Variants in MINDY2 observed in about 807,000 individuals in gnomAD.
MINDY2 encodes the protein ubiquitin carboxyl-terminal hydrolase MINDY-2.
In MINDY2, 52 loss-of-function variants were observed where a neutral mutation model predicts 68.2. The ratio of observed to expected loss-of-function variants is 0.76; its 90% CI spans 0.61 to 0.96. MINDY2 has a LOEUF of 0.96. MINDY2 is among the 40% of genes least tolerant of loss of function. MINDY2 has a pLI of 0.00. For missense variants in MINDY2, 881 were observed against 773.4 expected (o/e 1.14, Z -1.65); for synonymous variants, 372 against 303.0 (o/e 1.23, Z -2.36).
rs548177543 is a variant in MINDY2, at chr15:58,859,336, C to T, written c.*4726C>T. On this transcript the variant is annotated 3_prime_UTR_variant, in exon 9 of 9. Coordinates refer to ENST00000559228, the MANE Select transcript of MINDY2 (RefSeq NM_001040450.3). ...TCAAATTACTAATACAGTATATAAA[C>T]TTCGTTTGCATTGGTGGAATTCATT... The T allele has an allele frequency of 1.8e-4, 27 of 151,998 alleles. No individual in the cohort carries two copies. The highest frequency in any genetic ancestry group is 3.7e-4 in the Non-Finnish European group (25 of 67,964). The allele number at this position is 151,998 out of a possible 1,614,324, so 9.4% of individuals were successfully genotyped here.
chr15:58,792,587 CAG>C (rs1902019428), intron 2 of MINDY2, among the ~76,000 whole-genome samples: 1 of 151,572 alleles, frequency 6.6e-6, no homozygotes, highest in African/African-American at 2.4e-5. Flanking sequence ...GCCTGGGCGA[CAG>C]AGCAAGACTC....
chr15:58,793,080 G>A (rs576075627), intron 2 of MINDY2, among the ~76,000 whole-genome samples: 4 of 152,322 alleles, frequency 2.6e-5, no homozygotes, highest in African/African-American at 9.6e-5. Flanking sequence ...GCTTAGGGCT[G>A]GGGAAGAGAT....
In MINDY2 at chr15:58,802,294, T is replaced by TG. The variant is rs773510290; in HGVS notation, c.899-19_899-18insG. 7.6e-4 allele frequency: 1,126 copies of TG among 1,473,102 alleles called. No homozygotes were observed. Among genetic ancestry groups the TG allele is most frequent in the South Asian group, 2.3e-3 (183 of 78,868 alleles). The allele number at this position is 1,473,102 out of a possible 1,614,324, so 91.3% of individuals were successfully genotyped here. On this transcript the variant is annotated intron_variant, in intron 2 of 8. Transcript: ENST00000559228. ...AGTTTTTAAAAGGCAATTTTACAAT[T>TG]CTTTTTTTTTTTTTACAGGAGATTA...
intron 3 of MINDY2, among the ~76,000 whole-genome samples, chr15:58,807,585 G>A (rs1463714792): frequency 6.6e-6 from 1 of 151,970 alleles, no homozygotes; most frequent in African/African-American, 2.4e-5. Flanking sequence ...GGATGGTCTC[G>A]ATCTCCTGAC....
chr15:58,805,257 TCTAAG>T (rs1902939398), intron 3 of MINDY2, among the ~76,000 whole-genome samples: 1 of 152,196 alleles, frequency 6.6e-6, no homozygotes, highest in African/African-American at 2.4e-5. Flanking sequence ...CTGGGCTGAG[TCTAAG>T]CTAATGTGTA....
At chr15:58,817,684 T>C (rs2030782865) in intron 4 of MINDY2, 1 of 152,130 alleles carries the variant, frequency 6.6e-6, no homozygotes, top group Non-Finnish European at 1.5e-5. Context: ...ATCGCACCAC[T>C]GCACTCCAGC....
At chr15:58,851,492 G>A (rs2032811128) in intron 7 of MINDY2, among the ~76,000 whole-genome samples, 1 of 151,590 alleles carries the variant, frequency 6.6e-6, no homozygotes, top group Non-Finnish European at 1.5e-5. Flanking sequence ...ATGCTGGGGT[G>A]CAGTGAGGAG....
Position 58,854,872 on chromosome 15 carries a change from T to A in MINDY2, c.*262T>A. ...AAAAATACTGCACTTGTAGCCAGAT[T>A]AGCAAATCACAGCAAATTTTGTGTC... On this transcript the variant is annotated 3_prime_UTR_variant, in exon 9 of 9. Coordinates refer to ENST00000559228, the MANE Select transcript of MINDY2 (RefSeq NM_001040450.3). The A allele has an allele frequency of 4.0e-6, 1 of 250,786 alleles. No individual in the cohort carries two copies. 15.5% of individuals were successfully genotyped at this position (250,786 alleles called of 1,614,324 possible). A position where few individuals can be genotyped will look rare whatever the true frequency, so the allele number is the denominator to read the frequency against.
At chr15:58,848,888 G>T (rs1022576667) in intron 7 of MINDY2, among the ~76,000 whole-genome samples, 5 of 152,046 alleles carry the variant, frequency 3.3e-5, no homozygotes, top group African/African-American at 4.8e-5. Flanking sequence ...AGAAATATGC[G>T]AGATTTTTCT....
Position 58,854,826 on chromosome 15 carries a change from T to C in MINDY2, c.*216T>C. ...GGAGTTTCATGTTACAAGTTGGAAATGCTGTGTGTTGACATTCATGAAAAA... is the reference window on the plus strand; with the variant it reads ...GGAGTTTCATGTTACAAGTTGGAAACGCTGTGTGTTGACATTCATGAAAAA... On this transcript the variant is annotated 3_prime_UTR_variant, in exon 9 of 9. Coordinates refer to ENST00000559228, the MANE Select transcript of MINDY2 (RefSeq NM_001040450.3). 1 of 403,096 alleles carries C rather than the reference T, an allele frequency of 2.5e-6. No individual in the cohort carries two copies. Among genetic ancestry groups the C allele is most frequent in the Non-Finnish European group, 4.4e-6 (1 of 228,848 alleles). The allele number at this position is 403,096 out of a possible 1,614,324, so 25.0% of individuals were successfully genotyped here. A position where few individuals can be genotyped will look rare whatever the true frequency, so the allele number is the denominator to read the frequency against.
chr15:58,849,541 G>GAGT (rs1276121097), intron 7 of MINDY2, among the ~76,000 whole-genome samples: 1 of 152,128 alleles, frequency 6.6e-6, no homozygotes, highest in Non-Finnish European at 1.5e-5. Context: ...AATGAAGGCA[G>GAGT]AGTGATAGAT....
At chr15:58,834,259 A>T (rs1242427708) in intron 6 of MINDY2, among the ~76,000 whole-genome samples, 2 of 152,180 alleles carry the variant, frequency 1.3e-5, no homozygotes, top group African/African-American at 4.8e-5. Context: ...TTCTGCACAG[A>T]CACAGTAACA....
intron 4 of MINDY2, among the ~76,000 whole-genome samples, chr15:58,814,388 G>T (rs537795224): frequency 2.0e-5 from 3 of 150,024 alleles, no homozygotes; most frequent in Admixed American, 6.7e-5. Flanking sequence ...TTTTGTTTTT[G>T]GTTTTGTTTT....
intron 2 of MINDY2, among the ~76,000 whole-genome samples, chr15:58,801,297 A>C (rs73426599): frequency 0.013 from 1,912 of 150,938 alleles, 36 homozygotes; most frequent in African/African-American, 0.037. Flanking sequence ...ACAGTTCAAT[A>C]AGAAAAGATA....
Position 58,801,356 on chromosome 15 carries a change from G to A in MINDY2, c.899-957G>A, listed in dbSNP as rs577028180. ...TGTGATCCCAACACTTTGGGAGGCT[G>A]CAACATGGCAAGACCCCATCTCTTA... On this transcript the variant is annotated intron_variant, in intron 2 of 8. Coordinates refer to ENST00000559228, the MANE Select transcript of MINDY2 (RefSeq NM_001040450.3). Among the ~76,000 whole-genome samples, 3 of 114,498 alleles carry A rather than the reference G, an allele frequency of 2.6e-5. No individual in the cohort carries two copies. The East Asian group carries it at 8.8e-4, about 34-fold the overall frequency. The allele number at this position is 114,498 out of a possible 152,430, so 75.1% of individuals were successfully genotyped here.
chr15:58,772,312 G>A (rs542467341), intron 1 of MINDY2, 77 bp downstream of exon 1: 4 of 1,573,910 alleles, frequency 2.5e-6, no homozygotes, highest in South Asian at 2.3e-5. Context: ...TGCATGTCAG[G>A]TGATGGCTTC....
chr15:58,788,128 G>A (rs1901632569), intron 2 of MINDY2, among the ~76,000 whole-genome samples, 165 bp downstream of exon 2: 1 of 152,140 alleles, frequency 6.6e-6, no homozygotes, highest in Non-Finnish European at 1.5e-5. Flanking sequence ...ACTGTTCTTA[G>A]ATGGTATAGT....
At chr15:58,773,853 T>A (rs1366492396) in intron 1 of MINDY2, among the ~76,000 whole-genome samples, 1 of 152,174 alleles carries the variant, frequency 6.6e-6, no homozygotes, top group Admixed American at 6.5e-5. Context: ...TTTATATGTT[T>A]ATTACATGAC....
intron 2 of MINDY2, among the ~76,000 whole-genome samples, chr15:58,788,889 A>G (rs1901686916): frequency 6.6e-6 from 1 of 152,144 alleles, no homozygotes; most frequent in South Asian, 2.1e-4. Flanking sequence ...TCATGCACCT[A>G]TAGTCCCAAC....
Sources: allele counts gnomAD v4.1 joint callset (sites outside exome capture counted in the v4.1 genomes callset), GRCh38; gene constraint gnomAD v4.1.1; transcripts MANE v1.5; gene names NCBI Gene and HGNC (gene_info 2026-07-23, HGNC 2026-07-21).